PCDHA1: variants seen among roughly 807,000 people sequenced by gnomAD.
PCDHA1 encodes the protein protocadherin alpha-1.
In PCDHA1, 42 loss-of-function variants were observed where a neutral mutation model predicts 61.3. The observed-to-expected ratio is 0.69, with a 90% confidence interval of 0.54 to 0.89. PCDHA1 has a LOEUF of 0.89. Among genes scored for constraint, PCDHA1 ranks in the 40% least tolerant of loss-of-function variants. The probability of loss-of-function intolerance (pLI) is 0.00; values close to 1 mark genes in which losing one functional copy is unlikely to be tolerated. For missense variants in PCDHA1, 1,256 were observed against 1,235.3 expected, an observed-to-expected ratio of 1.02 and a Z score of -0.25; for synonymous variants, 610 against 553.8, an observed-to-expected ratio of 1.10 and a Z score of -1.43.
At chr5:140,842,773 G>C in intron 1 of PCDHA1, 1 of 1,594,638 alleles carries the variant, frequency 6.3e-7, no homozygotes. Flanking sequence ...ACGCGGACGC[G>C]CAGGAGAACG....
At chr5:140,908,342 A>G (rs542660039) in intron 1 of PCDHA1, among the ~76,000 whole-genome samples, 48 of 152,196 alleles carry the variant, frequency 3.2e-4, no homozygotes, top group Non-Finnish European at 5.3e-4. Flanking sequence ...TTGAGCCACT[A>G]CCTCATGTAA....
chr5:140,810,680 T>C (rs887175912), intron 1 of PCDHA1: 5 of 97,508 alleles, frequency 5.1e-5, no homozygotes, highest in Admixed American at 1.9e-4. Context: ...CTTTTTTCTC[T>C]TCTTTTTGCT....
chr5:141,004,750 C>T (rs1205050665), intron 3 of PCDHA1, among the ~76,000 whole-genome samples: 1 of 152,112 alleles, frequency 6.6e-6, no homozygotes, highest in Non-Finnish European at 1.5e-5. Flanking sequence ...GTCTCAGTCT[C>T]TTAGAGACAG....
At chr5:140,903,183 T>A (rs1392196705) in intron 1 of PCDHA1, among the ~76,000 whole-genome samples, 3 of 152,194 alleles carry the variant, frequency 2.0e-5, no homozygotes, top group Admixed American at 2.0e-4. Flanking sequence ...CCACCAATAG[T>A]ATAAAAGAGT....
chr5:140,820,418 A>G (rs1280110402), intron 1 of PCDHA1, among the ~76,000 whole-genome samples: 1 of 152,030 alleles, frequency 6.6e-6, no homozygotes, highest in Admixed American at 6.5e-5. Flanking sequence ...ATGTAAAAGT[A>G]TCCAACAATA....
chr5:140,979,144 T>C, intron 2 of PCDHA1, 137 bp downstream of exon 2: 1 of 1,448,584 alleles, frequency 6.9e-7, no homozygotes. Flanking sequence ...GCAATTATTT[T>C]GTCCCCATGT....
intron 1 of PCDHA1, chr5:140,877,449 G>A: frequency 1.2e-6 from 2 of 1,613,848 alleles, no homozygotes; most frequent in Non-Finnish European, 1.7e-6. Flanking sequence ...AGCCCGCGCT[G>A]ACGTCCACGG....
At chr5:140,794,860 G>A in intron 1 of PCDHA1, 1 of 1,267,506 alleles carries the variant, frequency 7.9e-7, no homozygotes, top group Non-Finnish European at 1.1e-6. Context: ...TTACTTCAGA[G>A]AAGCGGAGGA....
intron 1 of PCDHA1, among the ~76,000 whole-genome samples, chr5:140,898,520 G>A (rs1583310662): frequency 6.6e-6 from 1 of 152,298 alleles, no homozygotes; most frequent in East Asian, 1.9e-4. Context: ...CGTTATTTCT[G>A]AGGGCTCTGT....
intron 1 of PCDHA1, among the ~76,000 whole-genome samples, chr5:140,936,603 C>T (rs552102837): frequency 2.0e-5 from 3 of 152,324 alleles, no homozygotes; most frequent in Admixed American, 6.5e-5. Context: ...CTACTTTCCT[C>T]GCTGCTACTG....
At chr5:140,853,004 G>T (rs914027451) in intron 1 of PCDHA1, 1 of 289,800 alleles carries the variant, frequency 3.5e-6, no homozygotes, top group Non-Finnish European at 5.4e-6. Flanking sequence ...TCAGCCTCCC[G>T]AGTAGCTGGG....
In PCDHA1 at chr5:140,857,042, C is replaced by T. The variant is rs147770909; in HGVS notation, c.2394+68358C>T. The T allele has an allele frequency of 1.1e-5, 18 of 1,595,436 alleles. 1 individual carries two copies. In the African/African-American group the frequency reaches 1.2e-4, roughly 11 times the overall value. ...TAAGGGAAACCCACCTATGGTTGGTCACTGCACGGTCCTAGTGGAACTACT... is the reference window on the plus strand; with the variant it reads ...TAAGGGAAACCCACCTATGGTTGGTTACTGCACGGTCCTAGTGGAACTACT... On this transcript the variant is annotated intron_variant, in intron 1 of 3. Coordinates refer to ENST00000504120, the MANE Select transcript of PCDHA1 (RefSeq NM_018900.4).
At chr5:140,970,146 C>A (rs1408492600) in intron 1 of PCDHA1, among the ~76,000 whole-genome samples, 3 of 152,156 alleles carry the variant, frequency 2.0e-5, no homozygotes, top group Admixed American at 6.5e-5. Context: ...AAAAAGAATT[C>A]TCCCAATAGT....
At position 140,926,980 on chromosome 5, in the gene PCDHA1, A is replaced by T. The variant is rs781916280; in HGVS notation, c.2395-51969A>T. ...GCTCGAGTACTCAGTGCCGGAGGAG[A>T]CGGAGCGGGGCGTAGCCGTAGGCAA... On this transcript the variant is annotated intron_variant, in intron 1 of 3. Transcript: ENST00000504120. The T allele has an allele frequency of 1.9e-6, 3 of 1,610,246 alleles. No individual in the cohort carries two copies. The Admixed American group carries it at 5.0e-5, about 27-fold the overall frequency.
intron 1 of PCDHA1, among the ~76,000 whole-genome samples, chr5:140,910,646 G>T (rs1490115049): frequency 6.6e-6 from 1 of 152,158 alleles, no homozygotes; most frequent in Non-Finnish European, 1.5e-5. Flanking sequence ...TAAACCTTTT[G>T]ATCCCTTCCT....
At chr5:140,943,529 A>T (rs1291911076) in intron 1 of PCDHA1, among the ~76,000 whole-genome samples, 1 of 152,220 alleles carries the variant, frequency 6.6e-6, no homozygotes, top group Non-Finnish European at 1.5e-5. Context: ...TCAGTATGCA[A>T]AATGTCATGT....
At chr5:140,850,403 C>T (rs1554144277) in intron 1 of PCDHA1, 5 of 1,597,838 alleles carry the variant, frequency 3.1e-6, no homozygotes, top group African/African-American at 2.7e-5. Flanking sequence ...CAACGCGTGC[C>T]CTGGACGAAA....
intron 1 of PCDHA1, chr5:140,969,487 T>C: frequency 6.8e-7 from 1 of 1,460,090 alleles, no homozygotes; most frequent in Non-Finnish European, 9.1e-7. Flanking sequence ...TAATCTGCTA[T>C]TTCCTCTCTA....
intron 1 of PCDHA1, among the ~76,000 whole-genome samples, chr5:140,840,888 C>T (rs1776926383): frequency 1.3e-5 from 2 of 151,946 alleles, no homozygotes; most frequent in South Asian, 4.2e-4. Flanking sequence ...TTTCTGATAT[C>T]CATGACATAC....
Sources: gnomAD v4.1 joint callset for allele counts (sites outside exome capture counted in the v4.1 genomes callset) on GRCh38, gnomAD v4.1.1 for gene constraint, MANE v1.5 for transcripts, NCBI Gene and HGNC (gene_info 2026-07-23, HGNC 2026-07-21) for gene names.